Variants in CENPP observed in about 807,000 individuals in gnomAD.
The protein encoded by CENPP is centromere protein P.
A neutral mutation model predicts 35.6 loss-of-function variants in CENPP; 24 were observed. The ratio of observed to expected loss-of-function variants is 0.67; its 90% CI spans 0.49 to 0.95. The LOEUF (loss-of-function observed/expected upper bound fraction) is 0.95. CENPP is among the 40% of genes least tolerant of loss of function. The pLI is 0.00. For synonymous variants in CENPP, 120 were observed against 125.5 expected (o/e 0.96, Z 0.29); for missense variants, 332 against 345.3 (o/e 0.96, Z 0.31).
intron 5 of CENPP, chr9:92,522,522 C>T (rs1278788868): frequency 6.8e-7 from 1 of 1,469,990 alleles, no homozygotes; most frequent in African/African-American, 1.4e-5. Flanking sequence ...TTTCCCCATA[C>T]CATCTCTCAC....
intron 5 of CENPP, among the ~76,000 whole-genome samples, chr9:92,390,567 T>C (rs1588086164): frequency 1.8e-5 from 1 of 56,522 alleles, no homozygotes; most frequent in African/African-American, 3.3e-5. Flanking sequence ...AAATTCAGTG[T>C]GTGTGTGTGT....
chr9:92,514,561 C>T, intron 5 of CENPP: 1 of 1,511,182 alleles, frequency 6.6e-7, no homozygotes, highest in African/African-American at 1.4e-5. Flanking sequence ...AGGCGTGAGC[C>T]ACCGTGCCCA....
At chr9:92,515,305 G>T in intron 5 of CENPP, 1 of 1,299,860 alleles carries the variant, frequency 7.7e-7, no homozygotes, top group South Asian at 2.7e-5. Flanking sequence ...TTCCCTCCAA[G>T]TATTTGAGTG....
intron 5 of CENPP, among the ~76,000 whole-genome samples, chr9:92,436,347 A>G (rs1844245855): frequency 6.6e-6 from 1 of 152,162 alleles, no homozygotes; most frequent in Admixed American, 6.5e-5. Flanking sequence ...TCTCCATTCT[A>G]TTGCATGCCT....
chr9:92,531,061 G>GT (rs1848718146), intron 5 of CENPP, among the ~76,000 whole-genome samples: 1 of 152,078 alleles, frequency 6.6e-6, no homozygotes. Flanking sequence ...ATATTGTGGA[G>GT]TTTTTTAATG....
intron 5 of CENPP, among the ~76,000 whole-genome samples, chr9:92,590,680 A>G (rs1037536005): frequency 5.9e-5 from 9 of 152,200 alleles, no homozygotes; most frequent in Non-Finnish European, 1.3e-4. Context: ...GAACTGTACA[A>G]TCCCTTTCCA....
intron 5 of CENPP, among the ~76,000 whole-genome samples, chr9:92,410,129 G>A (rs887814409): frequency 6.6e-6 from 1 of 151,976 alleles, no homozygotes; most frequent in Non-Finnish European, 1.5e-5. Flanking sequence ...GTAGAGACAG[G>A]GTTTCACCAT....
At chr9:92,502,382 AC>A (rs1212942102) in intron 5 of CENPP, 3 of 1,164,684 alleles carry the variant, frequency 2.6e-6, no homozygotes, top group Non-Finnish European at 3.7e-6. Context: ...TCACTAAGAA[AC>A]GATTCTGTCT....
chr9:92,336,294 C>CT (rs1840926425), intron 2 of CENPP, among the ~76,000 whole-genome samples: 1 of 152,286 alleles, frequency 6.6e-6, no homozygotes, highest in East Asian at 1.9e-4. Context: ...ACCATTCTGT[C>CT]TTTTTTTCCT....
intron 5 of CENPP, among the ~76,000 whole-genome samples, chr9:92,444,671 G>A (rs1017281757): frequency 5.3e-5 from 8 of 152,182 alleles, no homozygotes; most frequent in Admixed American, 2.6e-4. Context: ...TGTTGTGAAT[G>A]TATTGTCCCA....
At chr9:92,586,744 A>G (rs945540227) in intron 5 of CENPP, among the ~76,000 whole-genome samples, 5 of 152,114 alleles carry the variant, frequency 3.3e-5, no homozygotes, top group South Asian at 2.1e-4. Flanking sequence ...CCATCAGGTC[A>G]CTGGCTTACC....
chr9:92,552,653 T>C (rs971674552), intron 5 of CENPP, among the ~76,000 whole-genome samples: 1 of 152,178 alleles, frequency 6.6e-6, no homozygotes, highest in Non-Finnish European at 1.5e-5. Context: ...CTTTTGAAAA[T>C]TGTCTATTCG....
intron 5 of CENPP, among the ~76,000 whole-genome samples, chr9:92,399,601 C>T (rs899892161): frequency 6.6e-6 from 1 of 152,162 alleles, no homozygotes; most frequent in Non-Finnish European, 1.5e-5. Context: ...GATTTTGAGG[C>T]ACCCTGCACC....
At chr9:92,474,531 T>G (rs141446497) in intron 5 of CENPP, 4 of 1,492,598 alleles carry the variant, frequency 2.7e-6, no homozygotes, top group Non-Finnish European at 3.5e-6. Context: ...TACACTCAGA[T>G]TATTTTTGAA....
chr9:92,619,492 T>C lies in CENPP; in HGVS notation c.*6343T>C. 1 of 1,587,844 alleles carries C rather than the reference T, an allele frequency of 6.3e-7. No individual in the cohort carries two copies. Among genetic ancestry groups the C allele is most frequent in the Non-Finnish European group, 8.6e-7 (1 of 1,167,268 alleles). On this transcript the variant is annotated 3_prime_UTR_variant, in exon 8 of 8. Coordinates refer to ENST00000375587, the MANE Select transcript of CENPP (RefSeq NM_001012267.3). ...CTTGCAGTGGGGGCCTCACCTGGCA[T>C]CCTGCAGACAGGGAGACAGTGCAAT...
chr9:92,417,340 T>C (rs1249791721), intron 5 of CENPP: 1 of 1,613,956 alleles, frequency 6.2e-7, no homozygotes, highest in East Asian at 2.2e-5. Flanking sequence ...ACATTGATGA[T>C]GGAAAGTTAG....
chr9:92,457,549 G>T, intron 5 of CENPP: 1 of 1,199,850 alleles, frequency 8.3e-7, no homozygotes, highest in African/African-American at 1.5e-5. Flanking sequence ...AAGATACTCT[G>T]TAGTCGCCAT....
intron 5 of CENPP, chr9:92,495,924 T>G (rs1471368615): frequency 1.0e-6 from 1 of 985,578 alleles, no homozygotes; most frequent in Admixed American, 6.1e-5. Flanking sequence ...GTCATTATGC[T>G]TCTTAATCTT....
chr9:92,527,183 A>AT lies in CENPP; in HGVS notation c.565-84123dup, dbSNP rs1356350075. 2.6e-5 allele frequency among the ~76,000 whole-genome samples: 4 copies of AT among 151,640 alleles called. No individual in the cohort carries two copies. In the East Asian group the frequency reaches 7.8e-4, roughly 29 times the overall value. On this transcript the variant is annotated intron_variant, in intron 5 of 7. Transcript: ENST00000375587. ...GCCACCATGCCCAGCTGATTTTTAT[A>AT]TTTTTTTTGTAGAGACAGGATTTCA...
Sources: allele counts gnomAD v4.1 joint callset (sites outside exome capture counted in the v4.1 genomes callset), GRCh38; gene constraint gnomAD v4.1.1; transcripts MANE v1.5; gene names NCBI Gene and HGNC (gene_info 2026-07-23, HGNC 2026-07-21).